Variants in ATP1A3 observed in about 807,000 individuals in gnomAD.
The protein encoded by ATP1A3 is sodium/potassium-transporting ATPase subunit alpha-3.
ATP1A3 carries 12 observed loss-of-function variants against 108.8 expected under a neutral mutation model. That is an observed-to-expected ratio of 0.11 (90% confidence interval 0.07 to 0.18). The LOEUF is 0.18. ATP1A3 is among the 10% of genes least tolerant of loss of function. The probability of loss-of-function intolerance (pLI) is 1.00; values close to 1 mark genes in which losing one functional copy is unlikely to be tolerated. For synonymous variants in ATP1A3, 539 were observed against 564.5 expected, an observed-to-expected ratio of 0.95 and a Z score of 0.64; for missense variants, 498 against 1,387.7, an observed-to-expected ratio of 0.36 and a Z score of 10.19.
chr19:41,986,207 G>T lies in ATP1A3; in HGVS notation c.380C>A (p.Ala127Glu). The T allele has an allele frequency of 6.2e-7, 1 of 1,613,930 alleles. No homozygotes were observed. The highest frequency in any genetic ancestry group is 8.5e-7 in the Non-Finnish European group (1 of 1,179,962). ...GDNLYLGIVLAAVVIITGCFS... is the reference protein window; with the variant it reads ...GDNLYLGIVLEAVVIITGCFS... ...GCAGCCAGTGATGATCACCACGGCC[G>T]CCAGCACGATGCCCAGGTACAGCTG... The change falls in exon 5 of 23, where the codon GCG (alanine) becomes GAG (glutamate). Residue 127 changes from alanine to glutamate, a missense_variant. This residue lies in a region of ATP1A3 where 127 missense variants were observed against 464.0 expected (regional missense o/e 0.27). Coordinates refer to ENST00000648268, the MANE Select transcript of ATP1A3 (RefSeq NM_152296.5).
At position 41,988,246 on chromosome 19, in the gene ATP1A3, C is replaced by T; in HGVS notation, c.153+72G>A. The T allele has an allele frequency of 6.2e-7, 1 of 1,612,934 alleles. No individual in the cohort carries two copies. Among genetic ancestry groups the T allele is most frequent in the Non-Finnish European group, 8.5e-7 (1 of 1,178,948 alleles). On this transcript the variant is annotated intron_variant, in intron 3 of 22. Coordinates refer to ENST00000648268, the MANE Select transcript of ATP1A3 (RefSeq NM_152296.5). This position sits in a 1 kb window ranked among gnomAD's most constrained non-coding sequence, Gnocchi z 5.3. Reference sequence around the variant, plus strand: ...ACACCAGCCACAGCCCCTCCTCCCTCAGACCCAGGGGTCCTAGCCCCCAGC... The same window carrying T: ...ACACCAGCCACAGCCCCTCCTCCCTTAGACCCAGGGGTCCTAGCCCCCAGC...
chr19:41,967,044 G>T lies in ATP1A3; in HGVS notation c.3014-79C>A. On this transcript the variant is annotated intron_variant, in intron 22 of 22. Transcript: ENST00000648268. This position sits in a 1 kb window ranked among gnomAD's most constrained non-coding sequence, Gnocchi z 4.2. The stretch of plus-strand genomic sequence containing the variant: ...GGCAAGGCGAGCCGCCCAGCAGAGA[G>T]AGGGACAGAGAGGGAGAGAGACAAG... 1 of 1,551,676 alleles carries T rather than the reference G, an allele frequency of 6.4e-7. No homozygotes were observed. The highest frequency in any genetic ancestry group is 1.2e-5 in the South Asian group (1 of 84,022).
rs2075304131 is a variant in ATP1A3, at chr19:41,988,198, T to C, written c.154-59A>G. The C allele has an allele frequency of 6.2e-7, 1 of 1,612,474 alleles. No homozygotes were observed. The highest frequency in any genetic ancestry group is 2.2e-5 in the East Asian group (1 of 44,858). ...TGGGCAACCCTGGCACCCCAGGCCTTCACCAGACCCCCAGAACTTAAGACA... is the reference window on the plus strand; with the variant it reads ...TGGGCAACCCTGGCACCCCAGGCCTCCACCAGACCCCCAGAACTTAAGACA... On this transcript the variant is annotated intron_variant, in intron 3 of 22. Coordinates refer to ENST00000648268, the MANE Select transcript of ATP1A3 (RefSeq NM_152296.5). This position sits in a 1 kb window ranked among gnomAD's most constrained non-coding sequence, Gnocchi z 5.3.
chr19:41,982,244 G>T, intron 8 of ATP1A3, 138 bp from the exon 9 acceptor site: 1 of 1,398,954 alleles, frequency 7.1e-7, no homozygotes, highest in Non-Finnish European at 1.0e-6. Flanking sequence ...GCAGCACCCA[G>T]CAATGCCACC....
At chr19:41,983,603 AATTATT>A (rs1196350965) in intron 8 of ATP1A3, among the ~76,000 whole-genome samples, 1 of 144,786 alleles carries the variant, frequency 6.9e-6, no homozygotes, top group Non-Finnish European at 1.5e-5. Flanking sequence ...TTATTATAAT[AATTATT>A]ATTATTATTA....
chr19:41,986,739 A>ATT (rs11287033), intron 4 of ATP1A3: 2,183 of 96,666 alleles, frequency 0.023, 83 homozygotes, highest in African/African-American at 0.089. Flanking sequence ...CTTTCCTGGC[A>ATT]TTTTTTTTTT....
chr19:41,992,254 A>T (rs2075347470), intron 1 of ATP1A3, among the ~76,000 whole-genome samples: 1 of 152,184 alleles, frequency 6.6e-6, no homozygotes, highest in Non-Finnish European at 1.5e-5. Context: ...CCCTTGACAC[A>T]GCCAGACCCC....
At chr19:41,973,545 C>T (rs994333200) in intron 16 of ATP1A3, among the ~76,000 whole-genome samples, 8 of 152,206 alleles carry the variant, frequency 5.3e-5, no homozygotes, top group Admixed American at 1.3e-4. Flanking sequence ...CGTGAGCCCC[C>T]GTGCCTGGCC....
rs977532912 is a variant in ATP1A3, at chr19:41,978,485, A to G, written c.1630+121T>C. 6 of 1,491,748 alleles carry G rather than the reference A, an allele frequency of 4.0e-6. No homozygotes were observed. In the Admixed American group the frequency reaches 1.0e-4, roughly 26 times the overall value. The allele number at this position is 1,491,748 out of a possible 1,614,324, so 92.4% of individuals were successfully genotyped here. On this transcript the variant is annotated intron_variant, in intron 12 of 22. Coordinates refer to ENST00000648268, the MANE Select transcript of ATP1A3 (RefSeq NM_152296.5). The surrounding 1 kb of genome is among the most constrained non-coding windows in gnomAD (Gnocchi z 8.3). Reference sequence around the variant, plus strand: ...ACCTTCCCCTCTCATCCATCCATTCATTCATTCATTCATTCATTTACAGTA... The same window carrying G: ...ACCTTCCCCTCTCATCCATCCATTCGTTCATTCATTCATTCATTTACAGTA...
intron 1 of ATP1A3, chr19:41,993,367 C>T (rs1555868026): frequency 2.6e-6 from 4 of 1,531,890 alleles, no homozygotes; most frequent in Non-Finnish European, 3.5e-6. Context: ...CACGCACACC[C>T]TCAGCTGTGC....
intron 16 of ATP1A3, among the ~76,000 whole-genome samples, chr19:41,974,611 A>G (rs1317641882): frequency 6.6e-6 from 1 of 152,246 alleles, no homozygotes; most frequent in African/African-American, 2.4e-5. Context: ...CACCAGAGAC[A>G]TTTCAAATAG....
Position 41,985,792 on chromosome 19 carries a change from G to A in ATP1A3, c.606+72C>T. The A allele has an allele frequency of 6.3e-7, 1 of 1,596,398 alleles. No homozygotes were observed. Among genetic ancestry groups the A allele is most frequent in the Admixed American group, 1.7e-5 (1 of 59,500 alleles). On this transcript the variant is annotated intron_variant, in intron 6 of 22. Transcript: ENST00000648268. The surrounding 1 kb of genome is among the most constrained non-coding windows in gnomAD (Gnocchi z 8.2). Reference sequence around the variant, plus strand: ...TGGGACCTGGACTCCTGAGTGTGAGGGAGGAGGGGCTGGGCCTGAGCTCCT... The same window carrying A: ...TGGGACCTGGACTCCTGAGTGTGAGAGAGGAGGGGCTGGGCCTGAGCTCCT...
chr19:41,968,776 G>C lies in ATP1A3; in HGVS notation c.2819+9C>G. The C allele has an allele frequency of 5.0e-6, 8 of 1,613,812 alleles. No homozygotes were observed. The highest frequency in any genetic ancestry group is 6.8e-6 in the Non-Finnish European group (8 of 1,179,772). ...GGCTGTCCAGTCACCATGTGCCCCC[G>C]GCCCTCACTTCATGCCCTGCTGGAA... On this transcript the variant is annotated intron_variant, in intron 20 of 22. Transcript: ENST00000648268. This position sits in a 1 kb window ranked among gnomAD's most constrained non-coding sequence, Gnocchi z 5.0.
chr19:41,977,702 A>C (rs2075186451), intron 14 of ATP1A3, among the ~76,000 whole-genome samples: 1 of 152,078 alleles, frequency 6.6e-6, no homozygotes, highest in Non-Finnish European at 1.5e-5. Context: ...CCATCTCAAA[A>C]ACATAAATAA....
chr19:41,981,288 C>G lies in ATP1A3; in HGVS notation c.1437+214G>C, dbSNP rs1025456351. ...TTCTGGTGTTAAAGGTGTGAGCCACCGCGCCTGGCCTGCAGGAAGATCTTT... is the reference window on the plus strand; with the variant it reads ...TTCTGGTGTTAAAGGTGTGAGCCACGGCGCCTGGCCTGCAGGAAGATCTTT... On this transcript the variant is annotated intron_variant, in intron 11 of 22. Transcript: ENST00000648268. The surrounding 1 kb of genome is among the most constrained non-coding windows in gnomAD (Gnocchi z 5.0). 6.6e-6 allele frequency among the ~76,000 whole-genome samples: 1 copy of G among 151,996 alleles called. No homozygotes were observed. The highest frequency in any genetic ancestry group is 2.4e-5 in the African/African-American group (1 of 41,392).
At position 41,978,119 on chromosome 19, in the gene ATP1A3, G is replaced by T; in HGVS notation, c.1806+32C>A. The T allele has an allele frequency of 1.2e-6, 2 of 1,614,208 alleles. No homozygotes were observed. Among genetic ancestry groups the T allele is most frequent in the South Asian group, 2.2e-5 (2 of 91,084 alleles). On this transcript the variant is annotated intron_variant, in intron 13 of 22. Transcript: ENST00000648268. The surrounding 1 kb of genome is among the most constrained non-coding windows in gnomAD (Gnocchi z 8.3). ...GATGGCCTCTCCCGCCCCACGCCTG[G>T]CTTTGCCTCCCCCAGCCACCCCAAG...
chr19:41,968,809 T>C lies in ATP1A3; in HGVS notation c.2795A>G (p.Asn932Ser). The C allele has an allele frequency of 6.2e-7, 1 of 1,613,988 alleles. No individual in the cohort carries two copies. ...CTTCATGCCCTGCTGGAAGACCGAGTTCCTCCGGGTCTTGCAGATGATCAG... is the reference window on the plus strand; with the variant it reads ...CTTCATGCCCTGCTGGAAGACCGAGCTCCTCCGGGTCTTGCAGATGATCAG... Reference protein sequence around the residue: ...ADLIICKTRRNSVFQQGMKNK... With the variant: ...ADLIICKTRRSSVFQQGMKNK... Residue 932 changes from asparagine (N) to serine (S), a missense_variant, in exon 20 of 23, where the codon AAC (asparagine) becomes AGC (serine). Physicochemically the swap from Asn to Ser is conservative, Grantham distance 46. This residue lies in a region of ATP1A3 where 121 missense variants were observed against 425.1 expected (regional missense o/e 0.28). Coordinates refer to ENST00000648268, the MANE Select transcript of ATP1A3 (RefSeq NM_152296.5). The surrounding 1 kb of genome is among the most constrained non-coding windows in gnomAD (Gnocchi z 5.0).
intron 1 of ATP1A3, among the ~76,000 whole-genome samples, chr19:41,989,483 T>C (rs1454875811): frequency 8.6e-5 from 13 of 152,040 alleles, no homozygotes; most frequent in African/African-American, 3.1e-4. Flanking sequence ...TACGCCCGGC[T>C]CATTTTTTTG....
rs1555863487 is a variant in ATP1A3, at chr19:41,981,749, A to T, written c.1275T>A (p.Gly425=). Residue 425 remains glycine (G), a synonymous_variant, in exon 10 of 23, where the codon GGT becomes GGA. Transcript: ENST00000648268. This position sits in a 1 kb window ranked among gnomAD's most constrained non-coding sequence, Gnocchi z 5.0. ...TGAGCACAGGGATGTTGTCCTGACCACCCTTGAAGACAGCGCGATTGCAGA... is the reference window on the plus strand; with the variant it reads ...TGAGCACAGGGATGTTGTCCTGACCTCCCTTGAAGACAGCGCGATTGCAGA... ...AGLCNRAVFK[G]GQDNIPVLKR... is the part of the protein sequence containing the mutation. The T allele has an allele frequency of 1.9e-6, 3 of 1,614,162 alleles. No individual in the cohort carries two copies. The highest frequency in any genetic ancestry group is 2.5e-6 in the Non-Finnish European group (3 of 1,180,024).
Sources: allele counts gnomAD v4.1 joint callset (sites outside exome capture counted in the v4.1 genomes callset), GRCh38; gene constraint gnomAD v4.1.1; regional missense constraint gnomAD v4.1.1; non-coding constraint Gnocchi (gnomAD v3.1); transcripts MANE v1.5; gene names NCBI Gene and HGNC (gene_info 2026-07-23, HGNC 2026-07-21).